SH3RF1: variants seen among roughly 807,000 people sequenced by gnomAD.
SH3RF1 encodes the protein SH3 domain containing ring finger 1, also known as E3 ubiquitin-protein ligase SH3RF1.
A neutral mutation model predicts 74.0 loss-of-function variants in SH3RF1; 32 were observed. That is an observed-to-expected ratio of 0.43 (90% CI 0.33 to 0.58). The LOEUF (loss-of-function observed/expected upper bound fraction) is 0.58, where lower values mean the gene tolerates loss of function less well. SH3RF1 is among the 20% of genes least tolerant of loss of function. SH3RF1 has a pLI of 0.05. For synonymous variants in SH3RF1, 396 were observed against 439.6 expected, an observed-to-expected ratio of 0.90 and a Z score of 1.24; for missense variants, 954 against 1,130.9, an observed-to-expected ratio of 0.84 and a Z score of 2.24.
chr4:169,202,805 T>A (rs558773031), intron 2 of SH3RF1, among the ~76,000 whole-genome samples: 1 of 152,312 alleles, frequency 6.6e-6, no homozygotes, highest in South Asian at 2.1e-4. Context: ...ACTTTGTACC[T>A]AAAGTAAAGC....
At chr4:169,270,370 G>C (rs991102234) in intron 1 of SH3RF1, among the ~76,000 whole-genome samples, 4 of 152,118 alleles carry the variant, frequency 2.6e-5, no homozygotes, top group Non-Finnish European at 5.9e-5. Context: ...GCTGCGGCCC[G>C]GCCGGTCCCG....
chr4:169,168,073 C>T (rs1416296968), intron 2 of SH3RF1, among the ~76,000 whole-genome samples: 5 of 152,066 alleles, frequency 3.3e-5, no homozygotes, highest in Non-Finnish European at 7.4e-5. Flanking sequence ...CCAGGAACTC[C>T]AGGTTGCAAT....
intron 2 of SH3RF1, among the ~76,000 whole-genome samples, chr4:169,162,564 C>A (rs1402502011): frequency 6.6e-6 from 1 of 152,158 alleles, no homozygotes; most frequent in Non-Finnish European, 1.5e-5. Flanking sequence ...CCCACCTACC[C>A]CAAATTCACT....
At chr4:169,201,548 T>C (rs1199072662) in intron 2 of SH3RF1, among the ~76,000 whole-genome samples, 1 of 152,244 alleles carries the variant, frequency 6.6e-6, no homozygotes, top group Non-Finnish European at 1.5e-5. Flanking sequence ...TTAGACTTCA[T>C]GTTGCTAAGT....
rs3749572 is a variant in SH3RF1 at position 169,096,518 on chromosome 4, C to T, written c.*1G>A. 41,751 of 1,613,268 alleles carry T rather than the reference C, an allele frequency of 0.026. 699 individuals are homozygous for T. The highest frequency in any genetic ancestry group is 0.065 in the East Asian group (2,938 of 44,860). On this transcript the variant is annotated 3_prime_UTR_variant, in exon 12 of 12. Transcript: ENST00000284637. ...TTTAAGCTTCTTCAGTGTCAGTCTC[C>T]TCATATGTTTTCCACAAAGCTTCCT...
chr4:169,187,516 CTGTGTGTGTGTGTGTGTGTGTGTG>C (rs60705711), intron 2 of SH3RF1, among the ~76,000 whole-genome samples: 7,504 of 144,166 alleles, frequency 0.052, 329 homozygotes, highest in Admixed American at 0.15. Context: ...CAACGAATTT[CTGTGTGTGTGTGTGTGTGTGTGTG>C]TGTGTGTGTG....
intron 2 of SH3RF1, among the ~76,000 whole-genome samples, chr4:169,209,463 C>T (rs1730322416): frequency 6.6e-6 from 1 of 152,118 alleles, no homozygotes; most frequent in South Asian, 2.1e-4. Flanking sequence ...TCCTACAGCA[C>T]CTATCCTCGT....
intron 2 of SH3RF1, among the ~76,000 whole-genome samples, chr4:169,173,600 T>C (rs1734366926): frequency 6.6e-6 from 1 of 152,202 alleles, no homozygotes; most frequent in South Asian, 2.1e-4. Context: ...CTGGTGATCC[T>C]GAGGCGCTGT....
intron 2 of SH3RF1, among the ~76,000 whole-genome samples, chr4:169,207,923 G>T (rs1358845456): frequency 6.6e-6 from 1 of 152,040 alleles, no homozygotes; most frequent in Non-Finnish European, 1.5e-5. Context: ...GACACCATGG[G>T]GGGTGTCAGT....
intron 11 of SH3RF1, among the ~76,000 whole-genome samples, chr4:169,098,198 T>C (rs1285143080): frequency 6.6e-6 from 1 of 152,238 alleles, no homozygotes; most frequent in African/African-American, 2.4e-5. Flanking sequence ...GCAACAGATA[T>C]CTAATAAATA....
At chr4:169,214,683 G>GTA (rs370560385) in intron 2 of SH3RF1, among the ~76,000 whole-genome samples, 24 of 151,852 alleles carry the variant, frequency 1.6e-4, no homozygotes, top group East Asian at 7.7e-4. Context: ...ATATATATGT[G>GTA]TATATATATA....
chr4:169,156,011 G>A (rs944392818), intron 3 of SH3RF1, among the ~76,000 whole-genome samples: 1 of 152,038 alleles, frequency 6.6e-6, no homozygotes, highest in Non-Finnish European at 1.5e-5. Context: ...TATCAATTCG[G>A]CAGATATATT....
chr4:169,237,933 C>G (rs1730846334), intron 2 of SH3RF1, among the ~76,000 whole-genome samples: 2 of 152,118 alleles, frequency 1.3e-5, no homozygotes, highest in Non-Finnish European at 2.9e-5. Flanking sequence ...CATCTCCCAC[C>G]TTTGATCTGT....
intron 6 of SH3RF1, among the ~76,000 whole-genome samples, chr4:169,123,440 T>G (rs1561029818): frequency 1.3e-5 from 2 of 152,222 alleles, no homozygotes; most frequent in Non-Finnish European, 2.9e-5. Flanking sequence ...TTTCCCACAC[T>G]GTAGCTAAAG....
chr4:169,192,990 T>G (rs1734753623), intron 2 of SH3RF1, among the ~76,000 whole-genome samples: 1 of 151,656 alleles, frequency 6.6e-6, no homozygotes, highest in African/African-American at 2.4e-5. Context: ...TGCAGCAACC[T>G]GGATGAGACT....
intron 2 of SH3RF1, among the ~76,000 whole-genome samples, chr4:169,251,350 CTT>C (rs1561064949): frequency 1.3e-5 from 2 of 152,294 alleles, no homozygotes; most frequent in South Asian, 4.1e-4. Flanking sequence ...CTCTCAGTGA[CTT>C]TGTTAGTCAG....
chr4:169,133,571 A>G (rs959351371), intron 5 of SH3RF1, among the ~76,000 whole-genome samples: 1 of 152,088 alleles, frequency 6.6e-6, no homozygotes, highest in Non-Finnish European at 1.5e-5. Flanking sequence ...TGAGGTCAGG[A>G]GTTCGAGACC....
chr4:169,132,667 CTAAG>C (rs1733637423), intron 5 of SH3RF1, among the ~76,000 whole-genome samples: 1 of 139,122 alleles, frequency 7.2e-6, no homozygotes, highest in Non-Finnish European at 1.5e-5. Flanking sequence ...GCAAGAAAGG[CTAAG>C]TAAGGTGGGG....
chr4:169,184,448 G>A (rs997684643), intron 2 of SH3RF1, among the ~76,000 whole-genome samples: 7 of 152,226 alleles, frequency 4.6e-5, no homozygotes, highest in Non-Finnish European at 8.8e-5. Context: ...ACCCGGGCTT[G>A]CATCCAGGTG....
Sources: allele counts gnomAD v4.1 joint callset (sites outside exome capture counted in the v4.1 genomes callset), GRCh38; gene constraint gnomAD v4.1.1; transcripts MANE v1.5; gene names NCBI Gene and HGNC (gene_info 2026-07-23, HGNC 2026-07-21).